Variants in LIPA observed in about 807,000 individuals in gnomAD.
LIPA encodes the protein lysosomal acid lipase/cholesteryl ester hydrolase.
Under a neutral mutation model 40.6 loss-of-function variants are expected in LIPA, and 26 were observed. The ratio of observed to expected loss-of-function variants is 0.64; its 90% CI spans 0.47 to 0.89. LIPA has a LOEUF of 0.89. LIPA is among the 40% of genes least tolerant of loss of function. The pLI is 0.00. For missense variants in LIPA, 455 were observed against 479.6 expected, an observed-to-expected ratio of 0.95 and a Z score of 0.48; for synonymous variants, 188 against 168.4, an observed-to-expected ratio of 1.12 and a Z score of -0.90.
chr10:89,397,034 C>T (rs1013914198), intron 2 of LIPA, among the ~76,000 whole-genome samples: 4 of 152,040 alleles, frequency 2.6e-5, no homozygotes, highest in African/African-American at 4.8e-5. Flanking sequence ...AAAATAGGGT[C>T]GTGTTTTGGA....
intron 1 of LIPA, among the ~76,000 whole-genome samples, chr10:89,274,407 G>A (rs1843279942): frequency 6.6e-6 from 1 of 152,242 alleles, no homozygotes. Context: ...GAGCAGTGAC[G>A]GGGTATGTGT....
intron 2 of LIPA, chr10:89,363,296 G>C (rs1244486773): frequency 6.6e-6 from 1 of 152,372 alleles, no homozygotes; most frequent in East Asian, 1.9e-4. Context: ...GCCCACATTT[G>C]CAATGGTTTA....
chr10:89,321,962 C>G (rs540565140), intron 1 of LIPA, among the ~76,000 whole-genome samples: 11 of 152,172 alleles, frequency 7.2e-5, no homozygotes, highest in African/African-American at 2.6e-4. Flanking sequence ...AGCAAACTAT[C>G]GCAAGGACAG....
intron 2 of LIPA, among the ~76,000 whole-genome samples, chr10:89,386,706 T>A (rs1844212455): frequency 1.3e-5 from 2 of 152,222 alleles, no homozygotes; most frequent in African/African-American, 4.8e-5. Context: ...ATTTGCTCCT[T>A]AGCTACTGGT....
In LIPA at chr10:89,222,503, A is replaced by T. The variant is rs369900316; in HGVS notation, c.894+8T>A. 6.3e-7 allele frequency: 1 copy of T among 1,589,906 alleles called. No homozygotes were observed. The stretch of plus-strand genomic sequence containing the variant: ...CATGAACCCCAAATGCACTCCTGGA[A>T]TGCCTACCTGGCTCCAGTGTAACAT... On this transcript the variant is annotated splice_region_variant and intron_variant, in intron 8 of 9. Coordinates refer to ENST00000336233, the MANE Select transcript of LIPA (RefSeq NM_000235.4).
At chr10:89,318,133 C>A (rs1031215254) in intron 1 of LIPA, among the ~76,000 whole-genome samples, 2 of 152,184 alleles carry the variant, frequency 1.3e-5, no homozygotes, top group Non-Finnish European at 2.9e-5. Flanking sequence ...TAAAGACCAT[C>A]GGTGCTAGGA....
At chr10:89,325,536 C>CA (rs910786871) in intron 1 of LIPA, among the ~76,000 whole-genome samples, 8 of 151,422 alleles carry the variant, frequency 5.3e-5, no homozygotes, top group East Asian at 1.9e-4. Context: ...TATGCAGCCA[C>CA]AAAAAAAAGA....
intron 1 of LIPA, among the ~76,000 whole-genome samples, chr10:89,258,500 C>T (rs778519990): frequency 4.6e-5 from 7 of 152,034 alleles, no homozygotes; most frequent in Non-Finnish European, 1.0e-4. Flanking sequence ...TGATGAGATA[C>T]CACTTCATAC....
intron 2 of LIPA, among the ~76,000 whole-genome samples, chr10:89,365,042 G>T (rs886778020): frequency 6.6e-6 from 1 of 152,206 alleles, no homozygotes; most frequent in Non-Finnish European, 1.5e-5. Context: ...GAATTGGAGA[G>T]TGTTGACAAA....
intron 1 of LIPA, among the ~76,000 whole-genome samples, chr10:89,248,701 TCTCGATCTCCTAACCTCGTGATCACGC>T (rs373895758): frequency 0.014 from 2,053 of 150,868 alleles, 42 homozygotes; most frequent in African/African-American, 0.046. Context: ...GCCAGGATGG[TCTCGATCTCCTAACCTCGTGATCACGC>T]CTCGGCCTCC....
intron 1 of LIPA, among the ~76,000 whole-genome samples, chr10:89,294,569 C>A (rs1178266004): frequency 3.3e-5 from 5 of 152,232 alleles, no homozygotes; most frequent in African/African-American, 1.2e-4. Context: ...TAGGTCCCAC[C>A]TCCCAACACT....
At chr10:89,362,727 A>G in intron 2 of LIPA, 1 of 735,044 alleles carries the variant, frequency 1.4e-6, no homozygotes, top group African/African-American at 1.8e-5. Flanking sequence ...GTGTCCTGAG[A>G]TGAACTGTGA....
intron 2 of LIPA, among the ~76,000 whole-genome samples, chr10:89,374,904 A>T (rs1400722260): frequency 6.6e-6 from 1 of 152,156 alleles, no homozygotes; most frequent in Non-Finnish European, 1.5e-5. Context: ...CCTGAGCCTG[A>T]GATGGGAATA....
At chr10:89,369,309 G>A (rs537856370) in intron 2 of LIPA, among the ~76,000 whole-genome samples, 74 of 152,294 alleles carry the variant, frequency 4.9e-4, no homozygotes, top group African/African-American at 1.7e-3. Flanking sequence ...ACTGGGCTGA[G>A]GAAACCACTG....
chr10:89,351,072 T>C (rs868523688), intron 2 of LIPA, among the ~76,000 whole-genome samples: 3 of 152,164 alleles, frequency 2.0e-5, no homozygotes, highest in Non-Finnish European at 4.4e-5. Context: ...TCCCAGAACT[T>C]TGGGAGGCTG....
At position 89,226,916 on chromosome 10, in the gene LIPA, G is replaced by A. The variant is rs1159368428; in HGVS notation, c.517C>T (p.His173Tyr). 3.8e-6 allele frequency: 6 copies of A among 1,599,214 alleles called. No individual in the cohort carries two copies. The highest frequency in any genetic ancestry group is 4.3e-6 in the Non-Finnish European group (5 of 1,167,000). ...TGQEQVYYVG[H>Y]SQGTTIGFIA... is the part of the protein sequence containing the mutation. ...ATACCTATAGTGGTGCCTTGAGAATGACCCACATAATACACTTGTTCTTGG... is the reference window on the plus strand; with the variant it reads ...ATACCTATAGTGGTGCCTTGAGAATAACCCACATAATACACTTGTTCTTGG... The change falls in exon 5 of 10, where the codon CAT becomes TAT. Residue 173 changes from histidine to tyrosine, a missense_variant. Coordinates refer to ENST00000336233, the MANE Select transcript of LIPA (RefSeq NM_000235.4).
At chr10:89,378,100 A>G (rs753024106) in intron 2 of LIPA, 15 of 1,613,278 alleles carry the variant, frequency 9.3e-6, no homozygotes, top group African/African-American at 1.3e-5. Context: ...AGCCTGAACC[A>G]AAGCACTACA....
intron 2 of LIPA, among the ~76,000 whole-genome samples, chr10:89,376,092 G>A (rs1429811919): frequency 6.6e-6 from 1 of 150,892 alleles, no homozygotes; most frequent in Non-Finnish European, 1.5e-5. Context: ...GGAGGCTGAG[G>A]CATGAGAATC....
At chr10:89,353,259 G>T (rs1438069764) in intron 2 of LIPA, among the ~76,000 whole-genome samples, 1 of 152,192 alleles carries the variant, frequency 6.6e-6, no homozygotes, top group Non-Finnish European at 1.5e-5. Flanking sequence ...TGGACAAGTG[G>T]GCTCAAGCAT....
Sources: allele counts gnomAD v4.1 joint callset (sites outside exome capture counted in the v4.1 genomes callset), GRCh38; gene constraint gnomAD v4.1.1; transcripts MANE v1.5; gene names NCBI Gene and HGNC (gene_info 2026-07-23, HGNC 2026-07-21).